Variants in IL15 observed in about 807,000 individuals in gnomAD.
IL15 encodes interleukin 15.
In IL15, 11 loss-of-function variants were observed where a neutral mutation model predicts 19.6. The observed-to-expected ratio is 0.56, with a 90% CI of 0.35 to 0.93. The LOEUF is 0.93. IL15 is among the 40% of genes least tolerant of loss of function. The pLI is 0.01. For synonymous variants in IL15, 58 were observed against 59.6 expected (o/e 0.97, Z 0.12); for missense variants, 197 against 186.5 (o/e 1.06, Z -0.33).
At chr4:141,664,065 G>C (rs772271957) in intron 2 of IL15, among the ~76,000 whole-genome samples, 1 of 152,068 alleles carries the variant, frequency 6.6e-6, no homozygotes, top group African/African-American at 2.4e-5. Context: ...TGCTTATTCT[G>C]TTAAAAGTAT....
intron 2 of IL15, among the ~76,000 whole-genome samples, chr4:141,708,233 A>G (rs1729591350): frequency 6.6e-6 from 1 of 152,148 alleles, no homozygotes; most frequent in Non-Finnish European, 1.5e-5. Flanking sequence ...GTGGTGTGCC[A>G]TGTGAGTTTG....
chr4:141,709,037 T>C (rs1377842447), intron 2 of IL15, among the ~76,000 whole-genome samples: 1 of 145,944 alleles, frequency 6.9e-6, no homozygotes, highest in Non-Finnish European at 1.5e-5. Flanking sequence ...ATTTTCAATA[T>C]TATTCAATAT....
chr4:141,637,094 C>T (rs1319928562), intron 1 of IL15: 3 of 152,256 alleles, frequency 2.0e-5, no homozygotes, highest in Non-Finnish European at 1.5e-5. Flanking sequence ...GGGCACCCCG[C>T]GCTCCGCTGG....
chr4:141,646,508 C>T (rs970072934), intron 1 of IL15, among the ~76,000 whole-genome samples: 3 of 152,044 alleles, frequency 2.0e-5, no homozygotes, highest in African/African-American at 4.8e-5. Context: ...TGAAGTAATC[C>T]TTGACTGATG....
intron 2 of IL15, among the ~76,000 whole-genome samples, chr4:141,664,386 CACACAA>C (rs1173131235): frequency 7.6e-4 from 112 of 146,904 alleles, no homozygotes; most frequent in African/African-American, 2.8e-3. Flanking sequence ...CACACACACA[CACACAA>C]AACCAACAAC....
chr4:141,727,746 C>T (rs57571635), intron 5 of IL15, among the ~76,000 whole-genome samples, 194 bp from the exon 6 acceptor site: 3,986 of 152,106 alleles, frequency 0.026, 178 homozygotes, highest in African/African-American at 0.09. Context: ...TTATGGAAGA[C>T]ATTACCACTG....
chr4:141,681,226 G>C (rs1023363829), intron 2 of IL15, among the ~76,000 whole-genome samples: 2 of 151,270 alleles, frequency 1.3e-5, no homozygotes, highest in African/African-American at 4.9e-5. Context: ...AAGATGCGCT[G>C]TGAAACATAA....
At chr4:141,721,892 C>T (rs200671402) in intron 4 of IL15, 32 bp from the exon 5 acceptor site, 116 of 1,541,854 alleles carry the variant, frequency 7.5e-5, no homozygotes, top group Middle Eastern at 5.2e-4. Context: ...TAGGCTCCTT[C>T]AAAATGCTTT....
chr4:141,674,163 G>T (rs1021643425), intron 2 of IL15, among the ~76,000 whole-genome samples: 11 of 152,156 alleles, frequency 7.2e-5, no homozygotes, highest in African/African-American at 2.7e-4. Flanking sequence ...GGAAATTTTG[G>T]GAAGTGGGGA....
intron 2 of IL15, among the ~76,000 whole-genome samples, chr4:141,683,247 G>A (rs1278988929): frequency 1.4e-5 from 2 of 141,262 alleles, no homozygotes; most frequent in African/African-American, 5.3e-5. Context: ...CCAGCCTGGC[G>A]ACAGAGCGAG....
chr4:141,690,344 C>T (rs1728869798), intron 2 of IL15, among the ~76,000 whole-genome samples: 1 of 152,188 alleles, frequency 6.6e-6, no homozygotes. Flanking sequence ...TCAAGTGCCG[C>T]CAAAGTGGGA....
chr4:141,690,286 C>T (rs1488740020), intron 2 of IL15, among the ~76,000 whole-genome samples: 1 of 152,200 alleles, frequency 6.6e-6, no homozygotes, highest in Non-Finnish European at 1.5e-5. Context: ...TGGCCTTGGC[C>T]AGCGCAGAAA....
At position 141,717,662 on chromosome 4, in the gene IL15, C is replaced by CT. The variant is rs1377678587; in HGVS notation, c.-99-1689dup. ...CAGCAAGCAGAGCTATAAAATACTT[C>CT]TTTTTTTTTTTTTTTGAGATGGAGT... On this transcript the variant is annotated intron_variant, in intron 2 of 7. Coordinates refer to ENST00000320650, the MANE Select transcript of IL15 (RefSeq NM_000585.5). 570 of 141,518 alleles carry CT rather than the reference C, an allele frequency of 4.0e-3. 1 individual carries two copies. Among genetic ancestry groups the CT allele is most frequent in the African/African-American group, 5.0e-3 (193 of 38,676 alleles). The allele number at this position is 141,518 out of a possible 1,614,324, so 8.8% of individuals were successfully genotyped here.
At chr4:141,732,602 A>G in intron 7 of IL15, 136 bp from the exon 8 acceptor site, 1 of 1,124,146 alleles carries the variant, frequency 8.9e-7, no homozygotes, top group Non-Finnish European at 1.2e-6. Context: ...TCTTCCTAAT[A>G]TGCTATTTAT....
At chr4:141,727,844 A>T in intron 5 of IL15, 96 bp from the exon 6 acceptor site, 1 of 666,470 alleles carries the variant, frequency 1.5e-6, no homozygotes, top group Non-Finnish European at 2.6e-6. Context: ...AAATAAAAAA[A>T]GAATTAAAAA....
chr4:141,684,173 G>GT (rs553850767), intron 2 of IL15, among the ~76,000 whole-genome samples: 5 of 152,264 alleles, frequency 3.3e-5, no homozygotes, highest in African/African-American at 1.2e-4. Flanking sequence ...AGTTTAGCAT[G>GT]TAATCAACTA....
chr4:141,649,909 A>G lies in IL15; in HGVS notation c.-221-6277A>G, dbSNP rs12499024. Among the ~76,000 whole-genome samples the G allele has an allele frequency of 2.0e-3, 312 of 152,286 alleles. 6 individuals carry two copies. Among genetic ancestry groups the G allele is most frequent in the Admixed American group, 0.014 (210 of 15,276 alleles). ...ACTAAAGTATATCTATGAAAAATCT[A>G]TAGTAAACAACAAATTTAATACAGG... is the stretch of plus-strand genomic sequence containing the variant. On this transcript the variant is annotated intron_variant, in intron 1 of 7. Transcript: ENST00000320650.
chr4:141,733,032 T>C lies in IL15; in HGVS notation c.*184T>C, dbSNP rs749114179. 2.5e-6 allele frequency: 2 copies of C among 800,034 alleles called. No individual in the cohort carries two copies. The highest frequency in any genetic ancestry group is 3.5e-6 in the Non-Finnish European group (2 of 566,332). 49.6% of individuals were successfully genotyped at this position (800,034 alleles called of 1,614,324 possible). On this transcript the variant is annotated 3_prime_UTR_variant, in exon 8 of 8. Coordinates refer to ENST00000320650, the MANE Select transcript of IL15 (RefSeq NM_000585.5). Reference sequence around the variant, plus strand: ...GGCAGAAAAATGTCATTGAGTAATATAGTGACTATGAACTTCTCTCAGACT... The same window carrying C: ...GGCAGAAAAATGTCATTGAGTAATACAGTGACTATGAACTTCTCTCAGACT...
At chr4:141,666,078 T>TTCA (rs1727962963) in intron 2 of IL15, among the ~76,000 whole-genome samples, 1 of 117,844 alleles carries the variant, frequency 8.5e-6, no homozygotes, top group Admixed American at 9.3e-5. Flanking sequence ...ATCCTTTTTA[T>TTCA]TTATTATTTA....
Sources: gnomAD v4.1 joint callset for allele counts (sites outside exome capture counted in the v4.1 genomes callset) on GRCh38, gnomAD v4.1.1 for gene constraint, MANE v1.5 for transcripts, NCBI Gene and HGNC (gene_info 2026-07-23, HGNC 2026-07-21) for gene names.